Variants in CSMD1 observed in about 807,000 individuals in gnomAD.
The protein encoded by CSMD1 is CUB and Sushi multiple domains 1, also known as CUB and sushi domain-containing protein 1.
CSMD1 carries 213 observed loss-of-function variants against 417.5 expected under a neutral mutation model. The observed-to-expected ratio is 0.51, with a 90% confidence interval of 0.46 to 0.57. The LOEUF is 0.57. Among genes scored for constraint, CSMD1 ranks in the 20% least tolerant of loss-of-function variants. The pLI, the probability that CSMD1 is intolerant of heterozygous loss-of-function variation, is 0.00. For synonymous variants in CSMD1, 2,862 were observed against 1,736.8 expected, an observed-to-expected ratio of 1.65 and a Z score of -16.11; for missense variants, 6,923 against 4,529.7, an observed-to-expected ratio of 1.53 and a Z score of -15.17.
Position 3,118,587 on chromosome 8 carries a change from G to T in CSMD1, c.6242C>A (p.Ala2081Asp), listed in dbSNP as rs750882596. The change falls in exon 42 of 70, where the codon GCC becomes GAC. Residue 2081 changes from alanine (A) to aspartate (D), a missense_variant and splice_region_variant. Transcript: ENST00000635120. ...ATCTGGACAGTTCTGTAATTCATAG[G>T]CTGAAAGAAACAAACAGACAAAATA... ...NRQGFKLAYQAYELQNCPDPP... is the reference protein window; with the variant it reads ...NRQGFKLAYQDYELQNCPDPP... The T allele has an allele frequency of 6.2e-7, 1 of 1,608,692 alleles. No individual in the cohort carries two copies. Among genetic ancestry groups the T allele is most frequent in the South Asian group, 1.1e-5 (1 of 89,586 alleles).
At chr8:4,224,816 C>T (rs1164350158) in intron 3 of CSMD1, among the ~76,000 whole-genome samples, 2 of 152,190 alleles carry the variant, frequency 1.3e-5, no homozygotes, top group Non-Finnish European at 2.9e-5. Flanking sequence ...TATTCCTCAT[C>T]ATGGGAGGAT....
chr8:3,375,929 A>G (rs1254882055), intron 18 of CSMD1, among the ~76,000 whole-genome samples: 1 of 151,800 alleles, frequency 6.6e-6, no homozygotes, highest in African/African-American at 2.4e-5. Flanking sequence ...CTCCCTCTCA[A>G]CCTCCATCTT....
intron 3 of CSMD1, among the ~76,000 whole-genome samples, chr8:4,373,570 A>T (rs1802531017): frequency 6.6e-6 from 1 of 152,246 alleles, no homozygotes; most frequent in African/African-American, 2.4e-5. Context: ...CTTATCATTT[A>T]ATTTCATCTT....
intron 3 of CSMD1, among the ~76,000 whole-genome samples, chr8:4,167,229 G>C (rs563340682): frequency 2.0e-5 from 3 of 152,178 alleles, no homozygotes; most frequent in African/African-American, 7.2e-5. Flanking sequence ...CCTGATTTTA[G>C]GGAAGGAGTG....
At chr8:2,973,376 A>G in intron 56 of CSMD1, 77 bp from the exon 57 acceptor site, 1 of 1,409,278 alleles carries the variant, frequency 7.1e-7, no homozygotes. Flanking sequence ...ACTTAAAGAT[A>G]ATGAAAAGTT....
intron 3 of CSMD1, among the ~76,000 whole-genome samples, chr8:4,225,992 A>C (rs553810897): frequency 6.6e-6 from 1 of 152,110 alleles, no homozygotes; most frequent in African/African-American, 2.4e-5. Flanking sequence ...TTCAAGAGGT[A>C]TGTTAAAATA....
At chr8:3,213,992 C>G (rs7832545) in intron 30 of CSMD1, among the ~76,000 whole-genome samples, 4 of 151,758 alleles carry the variant, frequency 2.6e-5, no homozygotes, top group Non-Finnish European at 5.9e-5. Context: ...ATCACAGGCA[C>G]GCACCACCAC....
At chr8:3,969,718 C>T (rs746952560) in intron 5 of CSMD1, among the ~76,000 whole-genome samples, 41 of 152,260 alleles carry the variant, frequency 2.7e-4, no homozygotes, top group Non-Finnish European at 3.7e-4. Context: ...ATGATTTTGA[C>T]AATAAAATAA....
At chr8:4,512,757 C>A (rs1333438740) in intron 2 of CSMD1, among the ~76,000 whole-genome samples, 1 of 150,222 alleles carries the variant, frequency 6.7e-6, no homozygotes, top group Admixed American at 6.7e-5. Context: ...ATATGAAGAA[C>A]TCTATAAAAC....
At chr8:4,531,631 G>T (rs1034048375) in intron 2 of CSMD1, among the ~76,000 whole-genome samples, 1 of 152,226 alleles carries the variant, frequency 6.6e-6, no homozygotes, top group Non-Finnish European at 1.5e-5. Context: ...CCCTCATGGT[G>T]CACCATGGCC....
chr8:3,980,982 A>C (rs934796712), intron 5 of CSMD1, among the ~76,000 whole-genome samples: 5 of 152,052 alleles, frequency 3.3e-5, no homozygotes, highest in East Asian at 1.9e-4. Flanking sequence ...ACCTTTCCCC[A>C]CCTTTGTACC....
At chr8:3,692,710 G>C (rs935340475) in intron 7 of CSMD1, among the ~76,000 whole-genome samples, 1 of 152,142 alleles carries the variant, frequency 6.6e-6, no homozygotes, top group African/African-American at 2.4e-5. Context: ...TGGGATTACA[G>C]GCATAAGCCA....
intron 7 of CSMD1, among the ~76,000 whole-genome samples, chr8:3,659,253 CA>C (rs1418058512): frequency 6.6e-6 from 1 of 152,174 alleles, no homozygotes; most frequent in Non-Finnish European, 1.5e-5. Flanking sequence ...CCTATGAGAA[CA>C]TGATAACAAA....
chr8:3,435,813 G>C (rs1016639988), intron 12 of CSMD1, among the ~76,000 whole-genome samples: 1 of 152,192 alleles, frequency 6.6e-6, no homozygotes, highest in Non-Finnish European at 1.5e-5. Context: ...TCTGATTGCA[G>C]AGTGACAAGA....
At chr8:3,763,678 AGTGCCTTTGTGGC>A (rs1798127075) in intron 5 of CSMD1, among the ~76,000 whole-genome samples, 1 of 152,190 alleles carries the variant, frequency 6.6e-6, no homozygotes, top group Non-Finnish European at 1.5e-5. Context: ...CACTGACACA[AGTGCCTTTGTGGC>A]TAAACAGTGT....
intron 3 of CSMD1, among the ~76,000 whole-genome samples, chr8:4,045,703 C>T (rs1161733068): frequency 1.3e-5 from 2 of 152,126 alleles, no homozygotes; most frequent in Non-Finnish European, 2.9e-5. Flanking sequence ...AAAGCAGTAA[C>T]CATAAGATTC....
chr8:4,134,436 C>G (rs996462283), intron 3 of CSMD1, among the ~76,000 whole-genome samples: 1 of 152,120 alleles, frequency 6.6e-6, no homozygotes, highest in African/African-American at 2.4e-5. Flanking sequence ...AGACAGGTGT[C>G]TACAAGCCAA....
chr8:3,538,674 C>G (rs1798309584), intron 10 of CSMD1, among the ~76,000 whole-genome samples: 1 of 152,248 alleles, frequency 6.6e-6, no homozygotes, highest in Non-Finnish European at 1.5e-5. Context: ...CCTTTTCTTC[C>G]TTAGCAACGT....
At chr8:4,466,654 GAACAAATAT>G (rs1479545591) in intron 2 of CSMD1, among the ~76,000 whole-genome samples, 1 of 152,056 alleles carries the variant, frequency 6.6e-6, no homozygotes, top group Non-Finnish European at 1.5e-5. Flanking sequence ...TAATTTTTCA[GAACAAATAT>G]AACTCTGAGT....
Sources: allele counts gnomAD v4.1 joint callset (sites outside exome capture counted in the v4.1 genomes callset), GRCh38; gene constraint gnomAD v4.1.1; transcripts MANE v1.5; gene names NCBI Gene and HGNC (gene_info 2026-07-23, HGNC 2026-07-21).